Variants in SLC35B1 observed in about 807,000 individuals in gnomAD.
The protein encoded by SLC35B1 is solute carrier family 35 member B1, also known as ATP/ADP exchanger ER.
In SLC35B1, 27 loss-of-function variants were observed where a neutral mutation model predicts 36.6. The observed-to-expected ratio is 0.74, with a 90% CI of 0.54 to 1.02. The LOEUF (loss-of-function observed/expected upper bound fraction) is 1.02. Ranked by LOEUF, SLC35B1 falls within the 50% of genes least tolerant of loss-of-function variation. SLC35B1 has a pLI of 0.00. For synonymous variants in SLC35B1, 162 were observed against 152.5 expected, an observed-to-expected ratio of 1.06 and a Z score of -0.46; for missense variants, 321 against 383.2, an observed-to-expected ratio of 0.84 and a Z score of 1.35.
chr17:49,707,135 T>A, intron 1 of SLC35B1, 67 bp from the exon 2 acceptor site: 2 of 1,442,728 alleles, frequency 1.4e-6, no homozygotes, highest in South Asian at 2.3e-5. Context: ...ATCTAATATA[T>A]CCCGAGCCAC....
intron 8 of SLC35B1, chr17:49,702,642 G>A (rs1483396261): frequency 8.2e-6 from 4 of 490,382 alleles, no homozygotes; most frequent in Non-Finnish European, 1.5e-5. Context: ...TGAGGCAGGA[G>A]AATTGCTTGA....
chr17:49,705,413 A>AAAAGGAGGGTGC (rs2073403759), intron 4 of SLC35B1, 132 bp from the exon 5 acceptor site: 1 of 927,694 alleles, frequency 1.1e-6, no homozygotes. Flanking sequence ...TAGAGAGGAC[A>AAAAGGAGGGTGC]AAAGGAGGGT....
At position 49,701,926 on chromosome 17, in the gene SLC35B1, C is replaced by CAAA. The variant is rs34701118; in HGVS notation, c.917-419_917-417dup. On this transcript the variant is annotated intron_variant, in intron 8 of 8. Transcript: ENST00000240333. ...GCAACACAGCAAGACCCCATCGCTA[C>CAAA]AAAAAAAAAAAAAAAAATTGGTCAG... 990 of 254,926 alleles carry CAAA rather than the reference C, an allele frequency of 3.9e-3. 1 individual carries two copies. Among genetic ancestry groups the CAAA allele is most frequent in the South Asian group, 6.8e-3 (235 of 34,524 alleles). The allele number at this position is 254,926 out of a possible 1,614,324, so 15.8% of individuals were successfully genotyped here. A position where few individuals can be genotyped will look rare whatever the true frequency, so the allele number is the denominator to read the frequency against.
At chr17:49,705,326 A>G (rs139073917) in intron 4 of SLC35B1, 45 bp from the exon 5 acceptor site, 3 of 1,588,940 alleles carry the variant, frequency 1.9e-6, no homozygotes, top group Admixed American at 3.5e-5. Flanking sequence ...TCCATAAGGT[A>G]TTGATGACCC....
chr17:49,707,661 A>T, intron 1 of SLC35B1, 69 bp downstream of exon 1: 1 of 1,544,292 alleles, frequency 6.5e-7, no homozygotes, highest in Non-Finnish European at 8.8e-7. Flanking sequence ...CCGGGTCCAG[A>T]GGCAGAAGGC....
chr17:49,707,619 G>A, intron 1 of SLC35B1, 111 bp downstream of exon 1: 1 of 1,452,938 alleles, frequency 6.9e-7, no homozygotes, highest in South Asian at 1.3e-5. Context: ...TGCTAAGAGG[G>A]CGACAGCCGG....
intron 2 of SLC35B1, 42 bp from the exon 3 acceptor site, chr17:49,706,376 G>GAAAAGA: frequency 3.9e-6 from 2 of 517,166 alleles, no homozygotes; most frequent in Admixed American, 7.8e-5. Context: ...GAAAAGAAAA[G>GAAAAGA]AAAAAAAAAA....
intron 6 of SLC35B1, 116 bp downstream of exon 6, chr17:49,703,984 A>G: frequency 1.5e-6 from 2 of 1,375,202 alleles, no homozygotes; most frequent in African/African-American, 1.4e-5. Context: ...ACAAAAGGGC[A>G]TCTTGGAACT....
chr17:49,703,980 G>T, intron 6 of SLC35B1, 120 bp downstream of exon 6: 1 of 1,341,480 alleles, frequency 7.5e-7, no homozygotes, highest in Non-Finnish European at 1.1e-6. Flanking sequence ...TTGAACAAAA[G>T]GGCATCTTGG....
intron 1 of SLC35B1, 24 bp downstream of exon 1, chr17:49,707,706 C>A: frequency 6.2e-7 from 1 of 1,605,486 alleles, no homozygotes. Context: ...GAGAGACTGT[C>A]GGCCCGCCCC....
At chr17:49,705,364 A>G (rs2073403196) in intron 4 of SLC35B1, 83 bp from the exon 5 acceptor site, 1 of 1,360,818 alleles carries the variant, frequency 7.3e-7, no homozygotes, top group Non-Finnish European at 1.0e-6. Flanking sequence ...GGAACCAAGA[A>G]AAGACTCAGG....
intron 8 of SLC35B1, chr17:49,702,656 C>CAGG: frequency 1.9e-6 from 1 of 521,132 alleles, no homozygotes; most frequent in Non-Finnish European, 3.4e-6. Context: ...TGCTTGAACC[C>CAGG]AGGAGGAGGA....
chr17:49,707,890 G>T lies in SLC35B1; in HGVS notation c.-57C>A. ...CTCACAACCGGCACCGGCAGCAGCGGCGGCGGAGGCGACAGCTCCAGCCGG... is the reference window on the plus strand; with the variant it reads ...CTCACAACCGGCACCGGCAGCAGCGTCGGCGGAGGCGACAGCTCCAGCCGG... On this transcript the variant is annotated 5_prime_UTR_variant, in exon 1 of 9. Coordinates refer to ENST00000240333, the MANE Select transcript of SLC35B1 (RefSeq NM_005827.4). The T allele has an allele frequency of 6.2e-7, 1 of 1,600,656 alleles. No individual in the cohort carries two copies. Among genetic ancestry groups the T allele is most frequent in the East Asian group, 2.2e-5 (1 of 44,512 alleles).
chr17:49,703,076 A>G (rs1482419314), intron 7 of SLC35B1, 65 bp from the exon 8 acceptor site: 1 of 1,602,772 alleles, frequency 6.2e-7, no homozygotes, highest in African/African-American at 1.3e-5. Flanking sequence ...TAAAGTCTAT[A>G]AACAGACCTC....
rs764494131 is a variant in SLC35B1, at chr17:49,706,951, A to AT, written c.208+13dup. Reference sequence around the variant, plus strand: ...GTGGTGGGGTACCCAACAAATTACTATCTGGGTACTCACAGATCTTGGCAA... The same window carrying AT: ...GTGGTGGGGTACCCAACAAATTACTATTCTGGGTACTCACAGATCTTGGCAA... On this transcript the variant is annotated intron_variant, in intron 2 of 8. Transcript: ENST00000240333. 2 of 1,589,456 alleles carry AT rather than the reference A, an allele frequency of 1.3e-6. No individual in the cohort carries two copies. Among genetic ancestry groups the AT allele is most frequent in the Non-Finnish European group, 1.7e-6 (2 of 1,157,512 alleles).
At chr17:49,706,122 T>TTTTTA in intron 3 of SLC35B1, 82 bp downstream of exon 3, 2 of 1,239,704 alleles carry the variant, frequency 1.6e-6, no homozygotes, top group South Asian at 1.6e-5. Context: ...TTTTTTTTTT[T>TTTTTA]AACTCACAGA....
At chr17:49,701,548 G>A (rs1432170354) in intron 8 of SLC35B1, 38 bp from the exon 9 acceptor site, 3 of 1,586,934 alleles carry the variant, frequency 1.9e-6, no homozygotes, top group African/African-American at 2.7e-5. Context: ...CCTTATGGGG[G>A]GAAATGAAAC....
At chr17:49,703,475 A>G (rs1410803296) in intron 6 of SLC35B1, 181 bp from the exon 7 acceptor site, 3 of 551,960 alleles carry the variant, frequency 5.4e-6, no homozygotes, top group Non-Finnish European at 9.9e-6. Flanking sequence ...GATTCTTCTC[A>G]TATTTTTCTC....
rs751663977 is a variant in SLC35B1, at chr17:49,707,802, C to T, written c.32G>A (p.Arg11Gln). ...CAGGAAGCAGAGCGGCAGGCGCAGC[C>T]GGTCGGGCACCAGGGAGCTGCTAGA... MASSSSLVPD[R>Q]LRLPLCFLGV... Residue 11 changes from arginine (R) to glutamine (Q), a missense_variant, in exon 1 of 9, where the codon CGG becomes CAG. Transcript: ENST00000240333. 6.2e-7 allele frequency: 1 copy of T among 1,611,918 alleles called. No individual in the cohort carries two copies.
Sources: gnomAD v4.1 joint callset for allele counts on GRCh38, gnomAD v4.1.1 for gene constraint, MANE v1.5 for transcripts, NCBI Gene and HGNC (gene_info 2026-07-23, HGNC 2026-07-21) for gene names.